Variants in DIDO1 observed in about 807,000 individuals in gnomAD.
DIDO1 encodes the protein death inducer-obliterator 1.
DIDO1 carries 16 observed loss-of-function variants against 99.4 expected under a neutral mutation model. The observed-to-expected ratio is 0.16, with a 90% CI of 0.11 to 0.24. The LOEUF (loss-of-function observed/expected upper bound fraction) is 0.24. DIDO1 is among the 10% of genes least tolerant of loss of function. The pLI, the probability that DIDO1 is intolerant of heterozygous loss-of-function variation, is 1.00. For missense variants in DIDO1, 2,996 were observed against 3,014.0 expected (o/e 0.99, Z 0.14); for synonymous variants, 1,366 against 1,239.1 (o/e 1.10, Z -2.15).
chr20:62,907,576 G>C (rs1302539130), intron 4 of DIDO1, among the ~76,000 whole-genome samples: 1 of 152,266 alleles, frequency 6.6e-6, no homozygotes, highest in Non-Finnish European at 1.5e-5. Flanking sequence ...CCTGCAGGGG[G>C]CAGGAGTGTG....
intron 4 of DIDO1, among the ~76,000 whole-genome samples, chr20:62,907,801 A>G (rs1247691057): frequency 2.0e-5 from 3 of 152,254 alleles, no homozygotes; most frequent in African/African-American, 4.8e-5. Context: ...GTCTTTCATG[A>G]AGAGAGAAGA....
chr20:62,899,154 CAG>C (rs1182138437), intron 6 of DIDO1, among the ~76,000 whole-genome samples: 2 of 152,126 alleles, frequency 1.3e-5, no homozygotes, highest in Non-Finnish European at 2.9e-5. Context: ...AGGCGGCAGA[CAG>C]ACACCTGCCG....
At chr20:62,888,277 G>A in intron 15 of DIDO1, 1 of 985,502 alleles carries the variant, frequency 1.0e-6, no homozygotes, top group Non-Finnish European at 1.2e-6. Context: ...GGACGAGTCA[G>A]TCACTCTTTT....
intron 1 of DIDO1, among the ~76,000 whole-genome samples, chr20:62,920,348 C>A (rs1391663895): frequency 6.6e-6 from 1 of 152,186 alleles, no homozygotes; most frequent in Non-Finnish European, 1.5e-5. Context: ...TCCATGGCCC[C>A]AAGCACAGCC....
rs116804595 is a variant in DIDO1 at position 62,897,174 on chromosome 20, C to A, written c.1589-178G>T. Among the ~76,000 whole-genome samples the A allele has an allele frequency of 6.9e-3, 1,045 of 152,224 alleles. 16 individuals carry two copies. The highest frequency in any genetic ancestry group is 0.024 in the African/African-American group (1,010 of 41,534). The stretch of plus-strand genomic sequence containing the variant: ...TGTTCAGAGGAGTGTAAGGGAGGAC[C>A]GCCAGCAGCATTTATGACGGTGACT... On this transcript the variant is annotated intron_variant, in intron 6 of 15. Coordinates refer to ENST00000395343, the MANE Select transcript of DIDO1 (RefSeq NM_001193369.2).
In DIDO1 at chr20:62,880,598, G is replaced by A. The variant is rs768647091; in HGVS notation, c.5358C>T (p.Ile1786=). 2 of 1,612,900 alleles carry A rather than the reference G, an allele frequency of 1.2e-6. No individual in the cohort carries two copies. Among genetic ancestry groups the A allele is most frequent in the Non-Finnish European group, 1.7e-6 (2 of 1,180,010 alleles). ...GPAPPFPEEN[I]ASNDGPRGPP... ...GCCCTCGTGGCCCATCGTTAGAAGC[G>A]ATATTCTCTTCTGGAAACGGAGGGG... Residue 1786 remains isoleucine (I), a synonymous_variant, in exon 16 of 16, where the codon ATC becomes ATT. Transcript: ENST00000395343.
At position 62,881,430 on chromosome 20, in the gene DIDO1, AC is replaced by A; in HGVS notation, c.4525del (p.Val1509SerfsTer12). 6.2e-7 allele frequency: 1 copy of A among 1,606,692 alleles called. No individual in the cohort carries two copies. Among genetic ancestry groups the A allele is most frequent in the Non-Finnish European group, 8.5e-7 (1 of 1,179,700 alleles). Reference sequence around the variant, plus strand: ...CGACACCGAGAAGTGGGCCATGGAGACCCCGACGGCGGCCCTCTGCTGCCTG... The same window carrying A: ...CGACACCGAGAAGTGGGCCATGGAGACCCGACGGCGGCCCTCTGCTGCCTG... Reference protein sequence around the residue: ...ALRQQRAAVGVSMAHFSVSDA... With the variant: ...ALRQQRAAVGXSMAHFSVSDA... On this transcript the variant is annotated frameshift_variant, in exon 16 of 16. Coordinates refer to ENST00000395343, the MANE Select transcript of DIDO1 (RefSeq NM_001193369.2). LOFTEE classifies it low-confidence loss of function (END_TRUNC). The surrounding 1 kb of genome is among the most constrained non-coding windows in gnomAD (Gnocchi z 8.3).
At chr20:62,890,204 A>G in intron 15 of DIDO1, 1 of 985,910 alleles carries the variant, frequency 1.0e-6, no homozygotes, top group Non-Finnish European at 1.2e-6. Context: ...TTGAGAGAAC[A>G]CCAATCCTCT....
At chr20:62,888,953 A>G in intron 15 of DIDO1, 2 of 985,470 alleles carry the variant, frequency 2.0e-6, no homozygotes, top group Non-Finnish European at 2.4e-6. Context: ...TTACTTTTCT[A>G]AAGTCCCTTG....
chr20:62,894,653 G>A lies in DIDO1; in HGVS notation c.2437-105C>T. ...GTCTCATGGGATTGAGACCCACGGG[G>A]GAGAAAAAAGGACCATCTAATACAA... is the stretch of plus-strand genomic sequence containing the variant. On this transcript the variant is annotated intron_variant, in intron 10 of 15. Transcript: ENST00000395343. The surrounding 1 kb of genome is among the most constrained non-coding windows in gnomAD (Gnocchi z 4.4). 4 of 1,457,662 alleles carry A rather than the reference G, an allele frequency of 2.7e-6. No individual in the cohort carries two copies. Among genetic ancestry groups the A allele is most frequent in the East Asian group, 2.4e-5 (1 of 41,956 alleles). 90.3% of individuals were successfully genotyped at this position (1,457,662 alleles called of 1,614,324 possible).
chr20:62,935,614 C>T (rs924711341), intron 1 of DIDO1, among the ~76,000 whole-genome samples: 3 of 152,122 alleles, frequency 2.0e-5, no homozygotes, highest in Non-Finnish European at 4.4e-5. Flanking sequence ...GAGAGCACAG[C>T]GATAACAAAG....
chr20:62,926,066 C>T (rs2065247259), intron 1 of DIDO1, among the ~76,000 whole-genome samples: 1 of 152,206 alleles, frequency 6.6e-6, no homozygotes, highest in Non-Finnish European at 1.5e-5. Flanking sequence ...GCCCCCGAGC[C>T]CCGGGCCGCA....
chr20:62,895,812 C>A (rs930844685), intron 8 of DIDO1, among the ~76,000 whole-genome samples: 1 of 152,180 alleles, frequency 6.6e-6, no homozygotes, highest in African/African-American at 2.4e-5. Context: ...GCAGCCCAAA[C>A]CATCAGGCTC....
At chr20:62,933,808 T>G (rs533878918) in intron 1 of DIDO1, among the ~76,000 whole-genome samples, 2 of 152,334 alleles carry the variant, frequency 1.3e-5, no homozygotes, top group South Asian at 4.1e-4. Context: ...TAGGTTGCAG[T>G]GAGCCATTAT....
At chr20:62,910,703 T>C (rs970717027) in intron 3 of DIDO1, 71 bp downstream of exon 3, 1 of 1,528,820 alleles carries the variant, frequency 6.5e-7, no homozygotes, top group African/African-American at 1.4e-5. Context: ...TTGTAACCCT[T>C]TAAAATGAAA....
intron 2 of DIDO1, among the ~76,000 whole-genome samples, chr20:62,912,669 G>C (rs547465736): frequency 6.6e-6 from 1 of 152,298 alleles, no homozygotes; most frequent in South Asian, 2.1e-4. Context: ...CAATGCTAAT[G>C]ATGACTCTGA....
At chr20:62,924,915 CAA>C (rs1429504659) in intron 1 of DIDO1, among the ~76,000 whole-genome samples, 2 of 152,146 alleles carry the variant, frequency 1.3e-5, no homozygotes, top group African/African-American at 4.8e-5. Flanking sequence ...TTTTCCAAAA[CAA>C]GAGGTATCTT....
In DIDO1 at chr20:62,881,239, C is replaced by G. The variant is rs747962845; in HGVS notation, c.4717G>C (p.Gly1573Arg). The change falls in exon 16 of 16, where the codon GGG (glycine) becomes CGG (arginine). Residue 1573 changes from glycine (G) to arginine (R), a missense_variant. Gly to Arg is a moderately radical substitution (Grantham distance 125). Coordinates refer to ENST00000395343, the MANE Select transcript of DIDO1 (RefSeq NM_001193369.2). This position sits in a 1 kb window ranked among gnomAD's most constrained non-coding sequence, Gnocchi z 8.3. ...AGCCTGGAGAGAGGCTCCCCCTCCC[C>G]CTCACCGGTCTCAGTGGCCAGGCGC... ...ARRLATETGE[G>R]EGEPLSRLSA... 1.2e-6 allele frequency: 2 copies of G among 1,603,044 alleles called. No homozygotes were observed.
chr20:62,903,866 G>A (rs2064740672), intron 6 of DIDO1, among the ~76,000 whole-genome samples: 2 of 152,282 alleles, frequency 1.3e-5, no homozygotes, highest in South Asian at 4.1e-4. Context: ...GAAGGGAAGA[G>A]GGAGAAGAGG....
Sources: gnomAD v4.1 joint callset for allele counts (sites outside exome capture counted in the v4.1 genomes callset) on GRCh38, gnomAD v4.1.1 for gene constraint, Gnocchi (gnomAD v3.1) non-coding constraint, MANE v1.5 for transcripts, NCBI Gene and HGNC (gene_info 2026-07-23, HGNC 2026-07-21) for gene names.